Variants in AMMECR1 observed in about 807,000 individuals in gnomAD.
AMMECR1 encodes the protein AMMECR nuclear protein 1, also known as nuclear protein AMMECR1.
In AMMECR1, 3 loss-of-function variants were observed where a neutral mutation model predicts 22.5. That is an observed-to-expected ratio of 0.13 (90% CI 0.06 to 0.35). AMMECR1 has a LOEUF of 0.35. Among genes scored for constraint, AMMECR1 ranks in the 10% least tolerant of loss-of-function variants. The probability of loss-of-function intolerance (pLI) is 1.00; values close to 1 mark genes in which losing one functional copy is unlikely to be tolerated. For synonymous variants in AMMECR1, 130 were observed against 116.7 expected, an observed-to-expected ratio of 1.11 and a Z score of -0.74; for missense variants, 235 against 278.7, an observed-to-expected ratio of 0.84 and a Z score of 1.12.
chrX:110,220,619 A>T (rs1229043241), intron 2 of AMMECR1, among the ~76,000 whole-genome samples: 1 of 111,631 alleles, frequency 9.0e-6, no homozygotes, highest in Non-Finnish European at 1.9e-5. Context: ...AAACACTTAC[A>T]TGTAAAATCA....
At chrX:110,351,041 C>T (rs1237018468) in intron 2 of AMMECR1, among the ~76,000 whole-genome samples, 1 of 111,796 alleles carries the variant, frequency 8.9e-6, no homozygotes, top group Admixed American at 9.5e-5. Context: ...TAAATGTATC[C>T]AAGAAAGTGT....
At position 110,197,207 on chromosome X, in the gene AMMECR1, G is replaced by T. The variant is rs1473469504; in HGVS notation, c.*1313C>A. On this transcript the variant is annotated 3_prime_UTR_variant, in exon 6 of 6. Transcript: ENST00000262844. The stretch of plus-strand genomic sequence containing the variant: ...ATGCCAACTCCATTTTCACAGGTGT[G>T]ACATAACATCTTATCAATGTAGTAA... The T allele has an allele frequency of 8.9e-6, 1 of 112,053 alleles. No individual in the cohort carries two copies. Among genetic ancestry groups the T allele is most frequent in the African/African-American group, 3.2e-5 (1 of 30,847 alleles). 9.2% of individuals were successfully genotyped at this position (112,053 alleles called of 1,213,427 possible).
intron 1 of AMMECR1, among the ~76,000 whole-genome samples, chrX:110,301,079 AAAC>A (rs2067964368): frequency 9.0e-6 from 1 of 111,637 alleles, no homozygotes. Flanking sequence ...TAGACATTTT[AAAC>A]AATATAAAGT....
At chrX:110,400,135 C>T (rs1427853987) in intron 2 of AMMECR1, among the ~76,000 whole-genome samples, 1 of 108,187 alleles carries the variant, frequency 9.2e-6, no homozygotes, top group Non-Finnish European at 1.9e-5. Flanking sequence ...GTTTTGGCAG[C>T]GCAGTAAATA....
chrX:110,388,060 G>T (rs2068469805), intron 2 of AMMECR1, among the ~76,000 whole-genome samples: 1 of 109,966 alleles, frequency 9.1e-6, no homozygotes, highest in Admixed American at 9.6e-5. Context: ...GTAGAGACGG[G>T]GTTTCATCAT....
chrX:110,419,407 C>T (rs2068701676), intron 2 of AMMECR1, among the ~76,000 whole-genome samples: 2 of 112,572 alleles, frequency 1.8e-5, no homozygotes, highest in African/African-American at 6.5e-5. Flanking sequence ...CTCTGACCAC[C>T]CACAGTTAGA....
chrX:110,370,474 G>T (rs1459930354), intron 2 of AMMECR1, among the ~76,000 whole-genome samples: 1 of 112,363 alleles, frequency 8.9e-6, no homozygotes, highest in Non-Finnish European at 1.9e-5. Context: ...CTCCCAAAGT[G>T]CTGGGATTAC....
chrX:110,339,969 AACAT>A (rs1300520132), intron 2 of AMMECR1, among the ~76,000 whole-genome samples: 1,875 of 90,029 alleles, frequency 0.021, 54 homozygotes, highest in African/African-American at 0.078. Context: ...TTGAAGGCAA[AACAT>A]ACACACACAC....
chrX:110,320,899 A>C (rs147355445), upstream of AMMECR1, among the ~76,000 whole-genome samples: 1,154 of 112,115 alleles, frequency 0.01, 11 homozygotes, highest in Non-Finnish European at 0.016. Flanking sequence ...GAAAAACACT[A>C]ACCTTTATCT....
At chrX:110,249,398 T>G (rs1252185585) in intron 2 of AMMECR1, among the ~76,000 whole-genome samples, 1 of 111,250 alleles carries the variant, frequency 9.0e-6, no homozygotes, top group Admixed American at 9.6e-5. Context: ...CAGGTTATTA[T>G]TAGCTGTCAT....
At chrX:110,260,978 C>T (rs1489031903) in intron 2 of AMMECR1, among the ~76,000 whole-genome samples, 1 of 111,331 alleles carries the variant, frequency 9.0e-6, no homozygotes, top group African/African-American at 3.3e-5. Flanking sequence ...ATACGAGGTA[C>T]CTAGAGTAGT....
chrX:110,341,157 A>G (rs755420651), intron 2 of AMMECR1, among the ~76,000 whole-genome samples: 1 of 112,635 alleles, frequency 8.9e-6, no homozygotes, highest in Non-Finnish European at 1.9e-5. Flanking sequence ...ACTACTGAAC[A>G]ATATTGTTTG....
At chrX:110,310,861 G>A (rs2148223558) in intron 1 of AMMECR1, among the ~76,000 whole-genome samples, 1 of 111,511 alleles carries the variant, frequency 9.0e-6, no homozygotes, top group South Asian at 3.8e-4. Context: ...ATAACCTTAA[G>A]CCTAGTTAGT....
chrX:110,344,790 A>G (rs2068181490), intron 2 of AMMECR1, among the ~76,000 whole-genome samples: 1 of 111,397 alleles, frequency 9.0e-6, no homozygotes, highest in Admixed American at 9.5e-5. Context: ...CAAAACCACA[A>G]TGAGATACCA....
At chrX:110,207,464 A>T (rs775210505) in intron 3 of AMMECR1, among the ~76,000 whole-genome samples, 1 of 111,628 alleles carries the variant, frequency 9.0e-6, no homozygotes, top group African/African-American at 3.3e-5. Flanking sequence ...TGAGCTAGAA[A>T]AGTTAAGAAT....
chrX:110,257,006 C>A (rs1227220534), intron 2 of AMMECR1, among the ~76,000 whole-genome samples: 1 of 111,615 alleles, frequency 9.0e-6, no homozygotes, highest in African/African-American at 3.2e-5. Flanking sequence ...CACTAAGATA[C>A]AAATCTGTCC....
At chrX:110,276,363 A>G (rs758551936) in intron 1 of AMMECR1, among the ~76,000 whole-genome samples, 2 of 111,259 alleles carry the variant, frequency 1.8e-5, no homozygotes, top group Non-Finnish European at 3.8e-5. Context: ...TTCTGTTTCT[A>G]CGGATTGGCT....
chrX:110,233,625 T>C (rs1435278091), intron 2 of AMMECR1, among the ~76,000 whole-genome samples: 1 of 112,108 alleles, frequency 8.9e-6, no homozygotes, highest in African/African-American at 3.2e-5. Context: ...TCAAAAAGCT[T>C]ATCCACCACG....
At chrX:110,235,259 T>G (rs1055492013) in intron 2 of AMMECR1, among the ~76,000 whole-genome samples, 2 of 112,171 alleles carry the variant, frequency 1.8e-5, no homozygotes, top group East Asian at 5.6e-4. Flanking sequence ...ATCAGAGAAA[T>G]GCAAATCAAA....
Sources: allele counts gnomAD v4.1 joint callset (sites outside exome capture counted in the v4.1 genomes callset), GRCh38; gene constraint gnomAD v4.1.1; transcripts MANE v1.5; gene names NCBI Gene and HGNC (gene_info 2026-07-23, HGNC 2026-07-21).